Variants in RNF175 observed in about 807,000 individuals in gnomAD.
RNF175 encodes ring finger protein 175.
Under a neutral mutation model 50.0 loss-of-function variants are expected in RNF175, and 38 were observed. That is an observed-to-expected ratio of 0.76 (90% CI 0.59 to 1.00). RNF175 has a LOEUF of 1.00. Among genes scored for constraint, RNF175 ranks in the 50% least tolerant of loss-of-function variants. RNF175 has a pLI of 0.00. For missense variants in RNF175, 388 were observed against 409.6 expected (o/e 0.95, Z 0.46); for synonymous variants, 155 against 146.1 (o/e 1.06, Z -0.44).
rs760860277 is a variant in RNF175, at chr4:153,728,218, T to C, written c.390A>G (p.Gly130=). ...TATGGAATACATACCGTGGTGTCCT[T>C]CCTGAGAGGGGTTTTCGGGTAGCTC... ...LFRATRKPLS[G]RTPRLVYKWF... Residue 130 remains glycine (G), a synonymous_variant, in exon 4 of 9, where the codon GGA becomes GGG. Transcript: ENST00000347063. 6.2e-7 allele frequency: 1 copy of C among 1,613,190 alleles called. No homozygotes were observed. The highest frequency in any genetic ancestry group is 1.1e-5 in the South Asian group (1 of 91,002).
At position 153,728,337 on chromosome 4, in the gene RNF175, C is replaced by A. The variant is rs1299100757; in HGVS notation, c.271G>T (p.Val91Phe). The change falls in exon 4 of 9, where the codon GTT becomes TTT. Residue 91 changes from valine (V) to phenylalanine (F), a missense_variant. Physicochemically the swap from Val to Phe is conservative, Grantham distance 50. Transcript: ENST00000347063. ...YNLVTLLQMW[V>F]VPLYFTIKLY... is the part of the protein sequence containing the mutation. ...TTTATCGTGAAATATAAGGGGACAACCCACATCTGCAACAAGGTCACCAGC... is the reference window on the plus strand; with the variant it reads ...TTTATCGTGAAATATAAGGGGACAAACCACATCTGCAACAAGGTCACCAGC... The A allele has an allele frequency of 8.7e-6, 14 of 1,613,586 alleles. No homozygotes were observed. Among genetic ancestry groups the A allele is most frequent in the Non-Finnish European group, 1.0e-5 (12 of 1,179,714 alleles).
At chr4:153,748,491 C>A (rs1475306134) in intron 3 of RNF175, 154 bp downstream of exon 3, 1 of 596,554 alleles carries the variant, frequency 1.7e-6, no homozygotes, top group Non-Finnish European at 2.7e-6. Flanking sequence ...TGCCAAATGT[C>A]TCCTGGGAGT....
At chr4:153,726,289 G>C (rs1445644482) in intron 4 of RNF175, among the ~76,000 whole-genome samples, 1 of 152,032 alleles carries the variant, frequency 6.6e-6, no homozygotes, top group Non-Finnish European at 1.5e-5. Flanking sequence ...ATTTTTAGTT[G>C]AGACAGGACT....
chr4:153,710,506 G>A lies in RNF175; in HGVS notation c.867-17C>T. On this transcript the variant is annotated splice_polypyrimidine_tract_variant and intron_variant, in intron 8 of 8. Coordinates refer to ENST00000347063, the MANE Select transcript of RNF175 (RefSeq NM_173662.4). ...CGCTCCCAGCTAAATCTCAGTTAAG[G>A]AGGTTGTTCTATATACAGCCAAGTA... The A allele has an allele frequency of 5.0e-6, 8 of 1,608,100 alleles. No individual in the cohort carries two copies. Among genetic ancestry groups the A allele is most frequent in the Non-Finnish European group, 6.8e-6 (8 of 1,176,994 alleles).
chr4:153,724,990 T>C (rs186427251), intron 4 of RNF175, among the ~76,000 whole-genome samples: 1,795 of 18,534 alleles, frequency 0.097, 30 homozygotes, highest in Middle Eastern at 0.14. Flanking sequence ...GGGTGAGCTG[T>C]GTGGGGGAGC....
chr4:153,720,597 C>A (rs1738276769), intron 5 of RNF175: 2 of 311,478 alleles, frequency 6.4e-6, no homozygotes, highest in Admixed American at 4.1e-5. Context: ...TCAGGCTCAG[C>A]TATACGTAGG....
chr4:153,738,129 A>G (rs1485881591), intron 3 of RNF175, among the ~76,000 whole-genome samples: 1 of 151,966 alleles, frequency 6.6e-6, no homozygotes, highest in Non-Finnish European at 1.5e-5. Context: ...GGCTCATTGC[A>G]GCATTGACCT....
intron 1 of RNF175, among the ~76,000 whole-genome samples, chr4:153,756,664 G>A (rs1740582116): frequency 6.6e-6 from 1 of 152,190 alleles, no homozygotes. Flanking sequence ...ACTGGGTTAA[G>A]AGCTGGCATT....
intron 8 of RNF175, among the ~76,000 whole-genome samples, chr4:153,712,201 T>G (rs1737632713): frequency 2.0e-5 from 3 of 152,226 alleles, no homozygotes; most frequent in Non-Finnish European, 4.4e-5. Flanking sequence ...TACCTATTTT[T>G]TGCAGTGTCT....
intron 1 of RNF175, among the ~76,000 whole-genome samples, chr4:153,753,456 A>G (rs1740396654): frequency 6.6e-6 from 1 of 152,144 alleles, no homozygotes; most frequent in African/African-American, 2.4e-5. Flanking sequence ...CATCACCTCT[A>G]GATCCGGCTG....
chr4:153,727,231 C>T (rs1051909890), intron 4 of RNF175, among the ~76,000 whole-genome samples: 3 of 152,180 alleles, frequency 2.0e-5, no homozygotes, highest in African/African-American at 4.8e-5. Context: ...CCAGACACTA[C>T]AAGGGCTGTC....
intron 3 of RNF175, among the ~76,000 whole-genome samples, chr4:153,731,969 T>C (rs1030775400): frequency 6.6e-6 from 1 of 152,158 alleles, no homozygotes; most frequent in African/African-American, 2.4e-5. Flanking sequence ...TGGTGACTCA[T>C]GCCTGTAATC....
intron 1 of RNF175, among the ~76,000 whole-genome samples, chr4:153,753,255 A>T (rs1257343790): frequency 6.6e-6 from 1 of 152,172 alleles, no homozygotes; most frequent in Admixed American, 6.5e-5. Flanking sequence ...GAAGTGGGGG[A>T]TGCAACCGGG....
chr4:153,743,349 C>T (rs887826857), intron 3 of RNF175, among the ~76,000 whole-genome samples: 2 of 152,154 alleles, frequency 1.3e-5, no homozygotes, highest in Non-Finnish European at 2.9e-5. Context: ...TCATCTTGAG[C>T]CACAGATTGA....
chr4:153,726,046 G>C (rs551124469), intron 4 of RNF175, among the ~76,000 whole-genome samples: 1 of 152,002 alleles, frequency 6.6e-6, no homozygotes, highest in South Asian at 2.1e-4. Flanking sequence ...ATGTGATCAA[G>C]CCCAGCTCTT....
At chr4:153,712,704 C>T (rs1737673005) in intron 7 of RNF175, 128 bp from the exon 8 acceptor site, 9 of 671,186 alleles carry the variant, frequency 1.3e-5, no homozygotes, top group Admixed American at 6.9e-5. Flanking sequence ...TCGCTTTTTT[C>T]GGGAGGTTCT....
intron 3 of RNF175, among the ~76,000 whole-genome samples, chr4:153,741,183 G>A (rs573698886): frequency 4.6e-5 from 7 of 152,240 alleles, no homozygotes; most frequent in Admixed American, 3.9e-4. Flanking sequence ...TTCCCCTTAG[G>A]TGACACAGGA....
chr4:153,725,397 C>T (rs1329201256), intron 4 of RNF175, among the ~76,000 whole-genome samples: 2 of 152,116 alleles, frequency 1.3e-5, no homozygotes, highest in Non-Finnish European at 2.9e-5. Flanking sequence ...CTGAGAGGGT[C>T]CCCTCTACTA....
intron 1 of RNF175, among the ~76,000 whole-genome samples, chr4:153,758,136 G>C (rs934329738): frequency 1.3e-5 from 2 of 152,118 alleles, no homozygotes. Flanking sequence ...ATAGGGTGAG[G>C]TTCAAACCAA....
Sources: gnomAD v4.1 joint callset for allele counts (sites outside exome capture counted in the v4.1 genomes callset) on GRCh38, gnomAD v4.1.1 for gene constraint, MANE v1.5 for transcripts, NCBI Gene and HGNC (gene_info 2026-07-23, HGNC 2026-07-21) for gene names.